The following PDZRN3 variants were observed in gnomAD, a reference collection of about 807,000 sequenced individuals.
The protein encoded by PDZRN3 is PDZ domain containing ring finger 3.
PDZRN3 carries 38 observed loss-of-function variants against 85.7 expected under a neutral mutation model. The ratio of observed to expected loss-of-function variants is 0.44; its 90% CI spans 0.34 to 0.58. The LOEUF (loss-of-function observed/expected upper bound fraction) is 0.58, where lower values mean the gene tolerates loss of function less well. PDZRN3 is among the 20% of genes least tolerant of loss of function. The pLI is 0.01. For missense variants in PDZRN3, 1,629 were observed against 1,506.4 expected (o/e 1.08, Z -1.35); for synonymous variants, 759 against 638.0 (o/e 1.19, Z -2.86).
intron 8 of PDZRN3, among the ~76,000 whole-genome samples, chr3:73,386,516 T>G (rs1701391006): frequency 6.6e-6 from 1 of 152,190 alleles, no homozygotes; most frequent in Non-Finnish European, 1.5e-5. Context: ...TAAGAGGCCT[T>G]TATCTGCCTT....
intron 2 of PDZRN3, among the ~76,000 whole-genome samples, chr3:73,603,396 C>G (rs1336084171): frequency 6.6e-6 from 1 of 152,192 alleles, no homozygotes; most frequent in Non-Finnish European, 1.5e-5. Flanking sequence ...CATAAAAAAC[C>G]CTCACAGCTT....
At chr3:73,623,089 G>C (rs1702892850) in intron 1 of PDZRN3, among the ~76,000 whole-genome samples, 1 of 152,226 alleles carries the variant, frequency 6.6e-6, no homozygotes, top group African/African-American at 2.4e-5. Flanking sequence ...GCAGCACCCA[G>C]CCTGGAGCAA....
chr3:73,624,453 C>A lies in PDZRN3; in HGVS notation c.373G>T (p.Asp125Tyr). The A allele has an allele frequency of 7.4e-7, 1 of 1,349,814 alleles. No individual in the cohort carries two copies. The highest frequency in any genetic ancestry group is 1.8e-5 in the South Asian group (1 of 54,450). 83.6% of individuals were successfully genotyped at this position (1,349,814 alleles called of 1,614,324 possible). Residue 125 changes from aspartate (D) to tyrosine (Y), a missense_variant, in exon 1 of 10, where the codon GAC (aspartate) becomes TAC (tyrosine). Asp to Tyr is a radical substitution (Grantham distance 160). Transcript: ENST00000263666. ...GCGTCGCGCATGTGCGCCTCCACGT[C>A]GCGCCGCAGCAGCACCTGGCCGCAA... ...AGCGQVLLRR[D>Y]VEAHMRDACD...
intron 2 of PDZRN3, among the ~76,000 whole-genome samples, chr3:73,607,032 T>C (rs896703172): frequency 3.3e-5 from 5 of 152,148 alleles, no homozygotes; most frequent in Admixed American, 6.5e-5. Context: ...CCCTCAACTC[T>C]TTCCACACTC....
intron 3 of PDZRN3, among the ~76,000 whole-genome samples, chr3:73,438,535 G>A (rs944407810): frequency 1.3e-5 from 2 of 152,236 alleles, no homozygotes; most frequent in African/African-American, 2.4e-5. Context: ...GAGATGGCAG[G>A]ACTGAGGAGG....
chr3:73,383,064 T>C lies in PDZRN3; in HGVS notation c.*301A>G, dbSNP rs1453157872. The C allele has an allele frequency of 7.4e-6, 2 of 271,752 alleles. No individual in the cohort carries two copies. Among genetic ancestry groups the C allele is most frequent in the Non-Finnish European group, 1.4e-5 (2 of 144,582 alleles). The allele number at this position is 271,752 out of a possible 1,614,324, so 16.8% of individuals were successfully genotyped here. On this transcript the variant is annotated 3_prime_UTR_variant, in exon 10 of 10. Transcript: ENST00000263666. ...ACAAGTTATTCTGTGAAAGTATGCT[T>C]AATAAAAGATCTTTCTGAAATTTAA...
rs1045316738 is a variant in PDZRN3, at chr3:73,568,097, G to C, written c.918+34257C>G. ...GACAAGCAACAAAGATAGGGGATTA[G>C]GGATAAGAAGGAGCCAGCCAAGGGA... On this transcript the variant is annotated intron_variant, in intron 3 of 9. Transcript: ENST00000263666. Among the ~76,000 whole-genome samples the C allele has an allele frequency of 4.6e-5, 7 of 152,092 alleles. No homozygotes were observed. In the East Asian group the frequency reaches 1.4e-3, roughly 29 times the overall value.
At position 73,606,312 on chromosome 3, in the gene PDZRN3, C is replaced by T. The variant is rs566338989; in HGVS notation, c.810+2286G>A. Among the ~76,000 whole-genome samples the T allele has an allele frequency of 1.3e-3, 194 of 152,324 alleles. 1 individual carries two copies. Among genetic ancestry groups the T allele is most frequent in the South Asian group, 3.7e-3 (18 of 4,820 alleles). ...ACAAGGAACAGCCAACTCATCTGTG[C>T]TAAATGGCAAAACATGTTCTTGATG... On this transcript the variant is annotated intron_variant, in intron 2 of 9. Coordinates refer to ENST00000263666, the MANE Select transcript of PDZRN3 (RefSeq NM_015009.3).
rs202116074 is a variant in PDZRN3 at position 73,509,983 on chromosome 3, AG to A, written c.918+92370del. On this transcript the variant is annotated intron_variant, in intron 3 of 9. Coordinates refer to ENST00000263666, the MANE Select transcript of PDZRN3 (RefSeq NM_015009.3). ...TTATCTTTAAAGAAGCAGTAACAAC[AG>A]AAAGCCATTTGTTTCTTCTACCATG... 7.9e-3 allele frequency among the ~76,000 whole-genome samples: 1,207 copies of A among 152,344 alleles called. 10 individuals carry two copies. Among genetic ancestry groups the A allele is most frequent in the African/African-American group, 0.027 (1,107 of 41,574 alleles).
At chr3:73,618,230 C>T (rs1702795267) in intron 1 of PDZRN3, among the ~76,000 whole-genome samples, 5 of 152,102 alleles carry the variant, frequency 3.3e-5, no homozygotes, top group South Asian at 4.1e-4. Flanking sequence ...GTAAGAGCAC[C>T]GACCTTGCAG....
rs971432070 is a variant in PDZRN3 at position 73,464,168 on chromosome 3, G to A, written c.919-59773C>T. ...ACCCAGCTATTTTTTTGTATTTTTC[G>A]TAGAGATGGGGTTTCACCATGTTGG... On this transcript the variant is annotated intron_variant, in intron 3 of 9. Transcript: ENST00000263666. Among the ~76,000 whole-genome samples the A allele has an allele frequency of 5.3e-5, 8 of 152,010 alleles. No individual in the cohort carries two copies. In the South Asian group the frequency reaches 1.5e-3, roughly 28 times the overall value.
At chr3:73,555,325 C>G (rs73100479) in intron 3 of PDZRN3, among the ~76,000 whole-genome samples, 1 of 152,212 alleles carries the variant, frequency 6.6e-6, no homozygotes, top group Non-Finnish European at 1.5e-5. Flanking sequence ...GGAAGAAACA[C>G]CTTTGTTCTC....
intron 3 of PDZRN3, among the ~76,000 whole-genome samples, chr3:73,588,263 T>C (rs1702306108): frequency 6.6e-6 from 1 of 152,226 alleles, no homozygotes; most frequent in African/African-American, 2.4e-5. Context: ...GGACATGATC[T>C]CATTCCTTTT....
chr3:73,546,510 C>T (rs1701426524), intron 3 of PDZRN3, among the ~76,000 whole-genome samples: 1 of 152,192 alleles, frequency 6.6e-6, no homozygotes, highest in Admixed American at 6.5e-5. Flanking sequence ...ATACTTGTGC[C>T]ATGCCCATTC....
chr3:73,446,584 A>G (rs1702752473), intron 3 of PDZRN3, among the ~76,000 whole-genome samples: 1 of 152,228 alleles, frequency 6.6e-6, no homozygotes, highest in Admixed American at 6.5e-5. Context: ...GTAAGTTTAA[A>G]TTTACAGAAT....
At chr3:73,537,524 C>A (rs2106771068) in intron 3 of PDZRN3, among the ~76,000 whole-genome samples, 1 of 152,294 alleles carries the variant, frequency 6.6e-6, no homozygotes, top group South Asian at 2.1e-4. Flanking sequence ...CAGGCAAGGG[C>A]CTCAACTTTC....
intron 2 of PDZRN3, among the ~76,000 whole-genome samples, chr3:73,605,841 C>T (rs1453304363): frequency 6.6e-6 from 1 of 152,232 alleles, no homozygotes; most frequent in African/African-American, 2.4e-5. Context: ...ACCATGCAGG[C>T]AGTTCTTGCA....
At chr3:73,578,733 C>T (rs1456036924) in intron 3 of PDZRN3, among the ~76,000 whole-genome samples, 3 of 152,006 alleles carry the variant, frequency 2.0e-5, no homozygotes, top group African/African-American at 4.8e-5. Context: ...GCCATTAATC[C>T]AAGTTTGCTT....
At chr3:73,569,151 C>T (rs745813556) in intron 3 of PDZRN3, 44 of 1,288,376 alleles carry the variant, frequency 3.4e-5, no homozygotes, top group Non-Finnish European at 3.9e-5. Flanking sequence ...ATTGCCTCAC[C>T]TGGTTAATCA....
Sources: allele counts gnomAD v4.1 joint callset (sites outside exome capture counted in the v4.1 genomes callset), GRCh38; gene constraint gnomAD v4.1.1; transcripts MANE v1.5; gene names NCBI Gene and HGNC (gene_info 2026-07-23, HGNC 2026-07-21).